Variants in MAPK15 observed in about 807,000 individuals in gnomAD.
MAPK15 encodes mitogen-activated protein kinase 15.
MAPK15 carries 61 observed loss-of-function variants against 60.8 expected under a neutral mutation model. The observed-to-expected ratio is 1.00, with a 90% CI of 0.82 to 1.24. The LOEUF is 1.24. Ranked by LOEUF, MAPK15 falls within the 50% of genes most tolerant of loss-of-function variation. The pLI is 0.00. For synonymous variants in MAPK15, 356 were observed against 319.9 expected, an observed-to-expected ratio of 1.11 and a Z score of -1.21; for missense variants, 808 against 741.1, an observed-to-expected ratio of 1.09 and a Z score of -1.05.
intron 1 of MAPK15, among the ~76,000 whole-genome samples, chr8:143,716,843 G>C (rs1817830250): frequency 6.6e-6 from 1 of 152,340 alleles, no homozygotes; most frequent in South Asian, 2.1e-4. Context: ...GGCCCGAGAA[G>C]GGCCTGAGCG....
In MAPK15 at chr8:143,717,729, G is replaced by A. The variant is rs782058921; in HGVS notation, c.102G>A (p.Arg34=). 27 of 1,611,806 alleles carry A rather than the reference G, an allele frequency of 1.7e-5. No homozygotes were observed. Among genetic ancestry groups the A allele is most frequent in the East Asian group, 2.2e-5 (1 of 44,820 alleles). The stretch of plus-strand genomic sequence containing the variant: ...TTGTGTGGAAGGCAGTGGACCGGAG[G>A]ACTGGTGAGGTCGTGGCCATCAAGA... ...YGIVWKAVDR[R]TGEVVAIKKI... The change falls in exon 2 of 14, where the codon AGG becomes AGA. Residue 34 remains arginine, a synonymous_variant. Coordinates refer to ENST00000338033, the MANE Select transcript of MAPK15 (RefSeq NM_139021.3).
In MAPK15 at chr8:143,721,114, G is replaced by T; in HGVS notation, c.1023+9G>T. 6.2e-7 allele frequency: 1 copy of T among 1,608,382 alleles called. No individual in the cohort carries two copies. Among genetic ancestry groups the T allele is most frequent in the Non-Finnish European group, 8.5e-7 (1 of 1,177,182 alleles). ...GCAGCCGCGTCTATCAGGTGCTCCG[G>T]CTCTCGACCCCTATCATCCCCTGTC... is the stretch of plus-strand genomic sequence containing the variant. On this transcript the variant is annotated intron_variant, in intron 10 of 13. Coordinates refer to ENST00000338033, the MANE Select transcript of MAPK15 (RefSeq NM_139021.3).
chr8:143,720,939 GTGACGGCT>G lies in MAPK15; in HGVS notation c.918-57_918-50del, dbSNP rs1229479509. 12 of 1,580,310 alleles carry G rather than the reference GTGACGGCT, an allele frequency of 7.6e-6. No homozygotes were observed. In the African/African-American group the frequency reaches 1.5e-4, roughly 20 times the overall value. On this transcript the variant is annotated intron_variant, in intron 9 of 13. Transcript: ENST00000338033. The surrounding 1 kb of genome is among the most constrained non-coding windows in gnomAD (Gnocchi z 4.6). ...CAGCCCCCACAGCAGGGACCCTGCT[GTGACGGCT>G]TGAGGGGCTCCCTTGGCCGCAGCCC...
At position 143,722,277 on chromosome 8, in the gene MAPK15, C is replaced by T. The variant is rs782027113; in HGVS notation, c.*26C>T. On this transcript the variant is annotated 3_prime_UTR_variant, in exon 14 of 14. Transcript: ENST00000338033. ...GCCGCCCTACTCCCTTCACCTGGCC[C>T]TCTGTTCCTGCCCCAGCCCCTTCCC... 2.6e-6 allele frequency: 4 copies of T among 1,528,818 alleles called. No individual in the cohort carries two copies. The African/African-American group carries it at 5.5e-5, about 21-fold the overall frequency. 94.7% of individuals were successfully genotyped at this position (1,528,818 alleles called of 1,614,324 possible).
chr8:143,716,495 A>T (rs1817815487), intron 1 of MAPK15, 52 bp downstream of exon 1: 1 of 1,542,020 alleles, frequency 6.5e-7, no homozygotes, highest in Non-Finnish European at 8.8e-7. Context: ...AGATCTGCGG[A>T]GAGAGGACCT....
Position 143,720,914 on chromosome 8 carries a change from C to T in MAPK15, c.917+74C>T. 1.3e-6 allele frequency: 2 copies of T among 1,580,442 alleles called. No individual in the cohort carries two copies. Among genetic ancestry groups the T allele is most frequent in the South Asian group, 1.1e-5 (1 of 88,696 alleles). ...CAGGAGAGAGCCAGCCCATGAGGGACAGCCCCCACAGCAGGGACCCTGCTG... is the reference window on the plus strand; with the variant it reads ...CAGGAGAGAGCCAGCCCATGAGGGATAGCCCCCACAGCAGGGACCCTGCTG... On this transcript the variant is annotated intron_variant, in intron 9 of 13. Transcript: ENST00000338033. The surrounding 1 kb of genome is among the most constrained non-coding windows in gnomAD (Gnocchi z 4.6).
intron 7 of MAPK15, among the ~76,000 whole-genome samples, chr8:143,719,797 C>T (rs782143476): frequency 2.4e-4 from 36 of 151,998 alleles, no homozygotes; most frequent in Non-Finnish European, 3.2e-4. Flanking sequence ...GTCACTGTGC[C>T]GGGAGCTGGG....
intron 1 of MAPK15, 90 bp downstream of exon 1, chr8:143,716,533 C>A (rs984889932): frequency 5.7e-6 from 7 of 1,227,606 alleles, no homozygotes; most frequent in Admixed American, 2.8e-5. Flanking sequence ...CCCTCGGAGG[C>A]CTGTTCCGTC....
intron 4 of MAPK15, 48 bp from the exon 5 acceptor site, chr8:143,718,727 G>GTCCCCC: frequency 5.8e-6 from 3 of 514,522 alleles, no homozygotes; most frequent in South Asian, 4.1e-5. Flanking sequence ...CCCCCAGGTT[G>GTCCCCC]CCCCCCCAGC....
At chr8:143,716,904 G>C (rs545028842) in intron 1 of MAPK15, among the ~76,000 whole-genome samples, 1 of 152,108 alleles carries the variant, frequency 6.6e-6, no homozygotes, top group Non-Finnish European at 1.5e-5. Context: ...ATCTGTGTGT[G>C]TGTGTGAGCA....
In MAPK15 at chr8:143,720,354, G is replaced by T. The variant is rs1817998607; in HGVS notation, c.779+67G>T. 3 of 1,482,066 alleles carry T rather than the reference G, an allele frequency of 2.0e-6. No individual in the cohort carries two copies. Among genetic ancestry groups the T allele is most frequent in the Admixed American group, 2.4e-5 (1 of 40,870 alleles). The allele number at this position is 1,482,066 out of a possible 1,614,324, so 91.8% of individuals were successfully genotyped here. A position where few individuals can be genotyped will look rare whatever the true frequency, so the allele number is the denominator to read the frequency against. On this transcript the variant is annotated intron_variant, in intron 8 of 13. Transcript: ENST00000338033. The surrounding 1 kb of genome is among the most constrained non-coding windows in gnomAD (Gnocchi z 4.6). ...CTCAAGGGAGCAGGGCCACCTTCCT[G>T]CAAGTTTACTGGGGCCAGTTTGTAC...
intron 2 of MAPK15, 39 bp from the exon 3 acceptor site, chr8:143,718,008 G>C: frequency 6.2e-7 from 1 of 1,613,862 alleles, no homozygotes; most frequent in Non-Finnish European, 8.5e-7. Context: ...CTTCCTTCTT[G>C]CTCCACCCAC....
Position 143,722,290 on chromosome 8 carries a change from C to G in MAPK15, c.*39C>G. The G allele has an allele frequency of 6.7e-7, 1 of 1,501,390 alleles. No individual in the cohort carries two copies. Among genetic ancestry groups the G allele is most frequent in the Non-Finnish European group, 8.9e-7 (1 of 1,122,862 alleles). 93.0% of individuals were successfully genotyped at this position (1,501,390 alleles called of 1,614,324 possible). On this transcript the variant is annotated 3_prime_UTR_variant, in exon 14 of 14. Coordinates refer to ENST00000338033, the MANE Select transcript of MAPK15 (RefSeq NM_139021.3). ...CTTCACCTGGCCCTCTGTTCCTGCC[C>G]CAGCCCCTTCCCCAGACCCCTCTCC...
At chr8:143,718,360 T>G in intron 4 of MAPK15, 58 bp downstream of exon 4, 1 of 1,516,642 alleles carries the variant, frequency 6.6e-7, no homozygotes, top group Non-Finnish European at 9.1e-7. Flanking sequence ...TGACGCCGTC[T>G]GCGGGTCCCT....
intron 10 of MAPK15, 31 bp downstream of exon 10, chr8:143,721,136 T>A: frequency 6.2e-7 from 1 of 1,602,618 alleles, no homozygotes; most frequent in Non-Finnish European, 8.5e-7. Context: ...TATCATCCCC[T>A]GTCTACTGCA....
chr8:143,716,826 G>C (rs1029203325), intron 1 of MAPK15, among the ~76,000 whole-genome samples: 30 of 152,350 alleles, frequency 2.0e-4, no homozygotes, highest in African/African-American at 6.5e-4. Flanking sequence ...CAGGAGCACA[G>C]GGGCGAGGCC....
chr8:143,718,120 C>T, intron 3 of MAPK15, 44 bp downstream of exon 3: 1 of 1,613,782 alleles, frequency 6.2e-7, no homozygotes, highest in Non-Finnish European at 8.5e-7. Flanking sequence ...TGCCCAGGTA[C>T]AGATCTCTCC....
chr8:143,721,840 G>A lies in MAPK15; in HGVS notation c.1418G>A (p.Trp473Ter). The change falls in exon 13 of 14, where the codon TGG becomes TAG. Residue 473 changes from tryptophan (W) to a stop codon, truncating the protein, a stop_gained. Transcript: ENST00000338033. LOFTEE classifies it low-confidence loss of function (END_TRUNC). ...VANQALIRGDWNRGGGVRVAS... is the reference protein window; with the variant it reads ...VANQALIRGD ...AACCAGGCCCTGATCCGGGGTGACT[G>A]GAACCGGGGCGGTGGGGTGAGGGTG... 2 of 1,608,648 alleles carry A rather than the reference G, an allele frequency of 1.2e-6. No homozygotes were observed. Among genetic ancestry groups the A allele is most frequent in the African/African-American group, 1.3e-5 (1 of 74,974 alleles).
At chr8:143,721,940 CCT>C (rs1818096310) in intron 13 of MAPK15, 60 bp downstream of exon 13, 2 of 1,520,204 alleles carry the variant, frequency 1.3e-6, no homozygotes, top group Admixed American at 3.9e-5. Flanking sequence ...CCCCTTCCCC[CCT>C]GCTTTTCCCT....
Sources: gnomAD v4.1 joint callset for allele counts (sites outside exome capture counted in the v4.1 genomes callset) on GRCh38, gnomAD v4.1.1 for gene constraint, Gnocchi (gnomAD v3.1) non-coding constraint, MANE v1.5 for transcripts, NCBI Gene and HGNC (gene_info 2026-07-23, HGNC 2026-07-21) for gene names.